TMED3: variants seen among roughly 807,000 people sequenced by gnomAD.
TMED3 encodes transmembrane emp24 domain-containing protein 3.
Under a neutral mutation model 15.0 loss-of-function variants are expected in TMED3, and 9 were observed. That is an observed-to-expected ratio of 0.60 (90% confidence interval 0.36 to 1.04). TMED3 has a LOEUF of 1.04. Among genes scored for constraint, TMED3 ranks in the 50% least tolerant of loss-of-function variants. TMED3 has a pLI of 0.01. For missense variants in TMED3, 267 were observed against 278.9 expected (o/e 0.96, Z 0.30); for synonymous variants, 117 against 121.4 (o/e 0.96, Z 0.24).
intron 2 of TMED3, among the ~76,000 whole-genome samples, chr15:79,377,270 ATGTGTGTG>A (rs56891639): frequency 8.2e-5 from 12 of 145,580 alleles, no homozygotes; most frequent in East Asian, 2.0e-4. Context: ...GAGTGTGTGC[ATGTGTGTG>A]TGTGTGTGTG....
At chr15:79,373,951 T>G (rs34990209) in intron 2 of TMED3, among the ~76,000 whole-genome samples, 1 of 151,864 alleles carries the variant, frequency 6.6e-6, no homozygotes, top group Non-Finnish European at 1.5e-5. Context: ...TTAAGGGAGG[T>G]TGTGGAAGCC....
chr15:79,344,197 G>A (rs2058860798), intron 2 of TMED3, among the ~76,000 whole-genome samples: 1 of 152,212 alleles, frequency 6.6e-6, no homozygotes, highest in Admixed American at 6.5e-5. Context: ...CCAGAGTGTG[G>A]TGGCCCACAA....
At chr15:79,405,564 G>GCAAC (rs1893892735) in intron 2 of TMED3, among the ~76,000 whole-genome samples, 1 of 152,208 alleles carries the variant, frequency 6.6e-6, no homozygotes, top group East Asian at 1.9e-4. Context: ...GCAGGGTGCA[G>GCAAC]CAACCAATCT....
At chr15:79,393,034 A>C (rs964691964) in intron 2 of TMED3, among the ~76,000 whole-genome samples, 1 of 152,232 alleles carries the variant, frequency 6.6e-6, no homozygotes, top group Admixed American at 6.5e-5. Flanking sequence ...CACTAGCAAA[A>C]GAGCTAGACT....
intron 2 of TMED3, among the ~76,000 whole-genome samples, chr15:79,409,389 G>A (rs1893942172): frequency 6.6e-6 from 1 of 152,174 alleles, no homozygotes; most frequent in Non-Finnish European, 1.5e-5. Context: ...GTATAACACA[G>A]CCACAATGCC....
intron 2 of TMED3, among the ~76,000 whole-genome samples, chr15:79,345,012 A>G (rs1333135223): frequency 1.3e-5 from 2 of 152,310 alleles, no homozygotes; most frequent in Admixed American, 6.5e-5. Context: ...GAGAGAAAAC[A>G]GGGGGACAAT....
intron 2 of TMED3, among the ~76,000 whole-genome samples, chr15:79,362,099 G>A (rs77214922): frequency 0.016 from 2,418 of 152,082 alleles, 56 homozygotes; most frequent in African/African-American, 0.055. Context: ...ATCAGAGTCA[G>A]TTAATACATT....
intron 2 of TMED3, among the ~76,000 whole-genome samples, chr15:79,332,511 A>G (rs1034095171): frequency 6.6e-6 from 1 of 152,308 alleles, no homozygotes; most frequent in Non-Finnish European, 1.5e-5. Flanking sequence ...CATGTTAAAG[A>G]CTTGGTTTTT....
At chr15:79,330,638 C>T (rs1327002202) in intron 2 of TMED3, among the ~76,000 whole-genome samples, 3 of 152,078 alleles carry the variant, frequency 2.0e-5, no homozygotes, top group African/African-American at 7.2e-5. Context: ...AGGCAATCCC[C>T]ATCAAAATAC....
At chr15:79,380,730 A>G (rs1349650624) in intron 2 of TMED3, among the ~76,000 whole-genome samples, 2 of 151,904 alleles carry the variant, frequency 1.3e-5, no homozygotes, top group African/African-American at 2.4e-5. Flanking sequence ...GGTACTCTAC[A>G]ATATATCCAA....
chr15:79,332,258 T>C (rs981599003), intron 2 of TMED3, among the ~76,000 whole-genome samples: 16 of 152,204 alleles, frequency 1.1e-4, no homozygotes, highest in Non-Finnish European at 2.2e-4. Flanking sequence ...CCATCATCAA[T>C]GGATAGAATT....
intron 2 of TMED3, among the ~76,000 whole-genome samples, chr15:79,364,780 C>G (rs1567033397): frequency 6.6e-6 from 1 of 151,962 alleles, no homozygotes; most frequent in Admixed American, 6.6e-5. Flanking sequence ...AGATCATCCT[C>G]TCACTGCATC....
intron 2 of TMED3, among the ~76,000 whole-genome samples, chr15:79,338,015 A>G (rs2058833231): frequency 6.6e-6 from 1 of 152,244 alleles, no homozygotes; most frequent in African/African-American, 2.4e-5. Context: ...TATTGAAGAC[A>G]CACCAGAGTG....
At chr15:79,350,744 A>C (rs888549343) in intron 2 of TMED3, among the ~76,000 whole-genome samples, 1 of 152,162 alleles carries the variant, frequency 6.6e-6, no homozygotes, top group African/African-American at 2.4e-5. Flanking sequence ...TCAAGTTGAC[A>C]CTCAATATTA....
intron 2 of TMED3, among the ~76,000 whole-genome samples, chr15:79,332,205 T>G (rs2058811964): frequency 6.6e-6 from 1 of 152,190 alleles, no homozygotes; most frequent in Non-Finnish European, 1.5e-5. Context: ...CATACTGATG[T>G]TAAAGGAACC....
chr15:79,380,503 T>TTA (rs1334611856), intron 2 of TMED3, among the ~76,000 whole-genome samples: 2 of 146,778 alleles, frequency 1.4e-5, no homozygotes, highest in African/African-American at 5.0e-5. Context: ...TTATATATAG[T>TTA]TATATATATA....
At chr15:79,318,625 A>G (rs1485975181) in intron 2 of TMED3, among the ~76,000 whole-genome samples, 2 of 152,344 alleles carry the variant, frequency 1.3e-5, no homozygotes, top group South Asian at 4.2e-4. Flanking sequence ...TAGAAATGGC[A>G]TATCTTGAGT....
chr15:79,342,089 CAT>C (rs1270467145), intron 2 of TMED3, among the ~76,000 whole-genome samples: 1 of 152,090 alleles, frequency 6.6e-6, no homozygotes, highest in Non-Finnish European at 1.5e-5. Context: ...CTAAATATGT[CAT>C]TATCAGTTTA....
chr15:79,344,848 G>A (rs1114641), intron 2 of TMED3, among the ~76,000 whole-genome samples: 73,495 of 151,980 alleles, frequency 0.48, 18,478 homozygotes, highest in African/African-American at 0.63. Context: ...AGATGAGGCA[G>A]TGTGAAAGGG....
Sources: gnomAD v4.1 joint callset for allele counts (sites outside exome capture counted in the v4.1 genomes callset) on GRCh38, gnomAD v4.1.1 for gene constraint, MANE v1.5 for transcripts, NCBI Gene and HGNC (gene_info 2026-07-23, HGNC 2026-07-21) for gene names.